The following PHACTR4 variants were observed in gnomAD, a reference collection of about 807,000 sequenced individuals.
The protein encoded by PHACTR4 is protein phosphatase 1, regulatory subunit 124.
Under a neutral mutation model 72.7 loss-of-function variants are expected in PHACTR4, and 51 were observed. The observed-to-expected ratio is 0.70, with a 90% CI of 0.56 to 0.89. PHACTR4 has a LOEUF of 0.89. PHACTR4 is among the 40% of genes least tolerant of loss of function. The pLI is 0.00. For synonymous variants in PHACTR4, 255 were observed against 302.5 expected, an observed-to-expected ratio of 0.84 and a Z score of 1.63; for missense variants, 731 against 861.8, an observed-to-expected ratio of 0.85 and a Z score of 1.90.
At chr1:28,483,979 C>T (rs1034671224) in intron 9 of PHACTR4, among the ~76,000 whole-genome samples, 1 of 151,806 alleles carries the variant, frequency 6.6e-6, no homozygotes, top group African/African-American at 2.4e-5. Context: ...TTGCTTGAGG[C>T]CAGGAGTTTG....
At chr1:28,478,301 T>C (rs1002343183) in intron 8 of PHACTR4, among the ~76,000 whole-genome samples, 4 of 152,242 alleles carry the variant, frequency 2.6e-5, no homozygotes, top group Admixed American at 6.5e-5. Flanking sequence ...CCTTCATTTA[T>C]TGATGGACAT....
Position 28,459,085 on chromosome 1 carries a change from A to G in PHACTR4, c.17A>G (p.Glu6Gly). The G allele has an allele frequency of 6.3e-7, 1 of 1,592,202 alleles. No individual in the cohort carries two copies. Among genetic ancestry groups the G allele is most frequent in the Non-Finnish European group, 8.5e-7 (1 of 1,170,794 alleles). ...TCCCTCTCTTCTTTTCATGTAACAGAGGAAGCAGACCAGCCCACTACAGAG... is the reference window on the plus strand; with the variant it reads ...TCCCTCTCTTCTTTTCATGTAACAGGGGAAGCAGACCAGCCCACTACAGAG... MEDPFEEADQPTTEPG... is the reference protein window; with the variant it reads MEDPFGEADQPTTEPG... Residue 6 changes from glutamate (E) to glycine (G), a missense_variant and splice_region_variant, in exon 3 of 14, where the codon GAG becomes GGG. By Grantham distance (98) the Glu-to-Gly change is moderately conservative. Coordinates refer to ENST00000373839, the MANE Select transcript of PHACTR4 (RefSeq NM_001048183.3).
At chr1:28,415,396 T>C (rs1337652556) in intron 2 of PHACTR4, among the ~76,000 whole-genome samples, 1 of 152,308 alleles carries the variant, frequency 6.6e-6, no homozygotes, top group East Asian at 1.9e-4. Flanking sequence ...CCCACTACTT[T>C]CAAAAATAGC....
At chr1:28,399,155 T>C (rs1041838617) in intron 1 of PHACTR4, among the ~76,000 whole-genome samples, 21 of 151,260 alleles carry the variant, frequency 1.4e-4, no homozygotes, top group African/African-American at 5.1e-4. Context: ...CTACTAAAAA[T>C]ACAAAAATTA....
chr1:28,404,868 C>T (rs77860010), intron 1 of PHACTR4, among the ~76,000 whole-genome samples: 37 of 152,150 alleles, frequency 2.4e-4, no homozygotes, highest in Middle Eastern at 3.4e-3. Flanking sequence ...TTAGTCACCC[C>T]GGTAATAACC....
chr1:28,397,207 G>A (rs2124226628), intron 1 of PHACTR4, among the ~76,000 whole-genome samples: 1 of 152,160 alleles, frequency 6.6e-6, no homozygotes, highest in East Asian at 1.9e-4. Flanking sequence ...CCAACTATAT[G>A]CCAGGCACAG....
At chr1:28,434,719 A>G (rs72883931) in intron 2 of PHACTR4, among the ~76,000 whole-genome samples, 2,360 of 152,132 alleles carry the variant, frequency 0.016, 62 homozygotes, top group African/African-American at 0.052. Context: ...TTTATTAGAG[A>G]CAGGGCCTTA....
At chr1:28,469,124 T>C (rs1659402914) in intron 6 of PHACTR4, among the ~76,000 whole-genome samples, 1 of 152,210 alleles carries the variant, frequency 6.6e-6, no homozygotes, top group Admixed American at 6.5e-5. Context: ...ATTCTAAAAT[T>C]ACAACCTTCC....
At chr1:28,419,054 G>C (rs1044696510) in intron 2 of PHACTR4, among the ~76,000 whole-genome samples, 18 of 68,076 alleles carry the variant, frequency 2.6e-4, no homozygotes, top group Non-Finnish European at 4.0e-4. Flanking sequence ...TTTTTCTAGG[G>C]AAGTTTTCTA....
At chr1:28,470,250 G>A (rs191378964) in intron 6 of PHACTR4, among the ~76,000 whole-genome samples, 2 of 151,998 alleles carry the variant, frequency 1.3e-5, no homozygotes, top group Non-Finnish European at 2.9e-5. Context: ...AAAATTAGCT[G>A]GGCATGGTGA....
At chr1:28,375,669 G>A (rs1337780536) in intron 1 of PHACTR4, among the ~76,000 whole-genome samples, 1 of 152,168 alleles carries the variant, frequency 6.6e-6, no homozygotes, top group East Asian at 1.9e-4. Context: ...CTGTGTGGCA[G>A]AGCTGGAGAC....
At chr1:28,471,978 G>T (rs562543804) in intron 6 of PHACTR4, among the ~76,000 whole-genome samples, 2 of 151,986 alleles carry the variant, frequency 1.3e-5, no homozygotes, top group African/African-American at 4.8e-5. Flanking sequence ...TTGGGAGGCC[G>T]AGGCGGGCGG....
chr1:28,441,951 C>T (rs1021217757), intron 2 of PHACTR4, among the ~76,000 whole-genome samples: 5 of 152,120 alleles, frequency 3.3e-5, no homozygotes, highest in African/African-American at 1.2e-4. Flanking sequence ...ATGATTGTAC[C>T]TCTGCACTCC....
chr1:28,454,369 C>T (rs1172057651), intron 2 of PHACTR4, among the ~76,000 whole-genome samples: 2 of 150,806 alleles, frequency 1.3e-5, no homozygotes, highest in East Asian at 1.9e-4. Flanking sequence ...CTCCACCTCC[C>T]GGGTTCACGC....
chr1:28,392,811 T>G (rs556733259), intron 1 of PHACTR4, among the ~76,000 whole-genome samples: 17 of 152,324 alleles, frequency 1.1e-4, no homozygotes, highest in Middle Eastern at 3.4e-3. Flanking sequence ...TTTTTTTGTT[T>G]TTTATGAACC....
Position 28,496,650 on chromosome 1 carries a change from T to G in PHACTR4, c.*101T>G, listed in dbSNP as rs878872936. The G allele has an allele frequency of 8.1e-6, 11 of 1,365,510 alleles. No individual in the cohort carries two copies. In the South Asian group the frequency reaches 1.3e-4, roughly 16 times the overall value. 84.6% of individuals were successfully genotyped at this position (1,365,510 alleles called of 1,614,324 possible). ...TAGCACTTCCCAGCACAGCCAGAAT[T>G]GCATCCTCTGGGATCTTCTGAGGTG... On this transcript the variant is annotated 3_prime_UTR_variant, in exon 14 of 14. Coordinates refer to ENST00000373839, the MANE Select transcript of PHACTR4 (RefSeq NM_001048183.3).
At chr1:28,377,511 A>T (rs1651778910) in intron 1 of PHACTR4, among the ~76,000 whole-genome samples, 1 of 151,700 alleles carries the variant, frequency 6.6e-6, no homozygotes, top group Admixed American at 6.6e-5. Context: ...AAGTGCCAGG[A>T]TCACAGGCAT....
intron 10 of PHACTR4, among the ~76,000 whole-genome samples, 176 bp downstream of exon 10, chr1:28,489,401 G>A (rs1026617291): frequency 2.0e-5 from 3 of 152,212 alleles, no homozygotes; most frequent in Non-Finnish European, 4.4e-5. Context: ...TCCTTTGGAA[G>A]ATGCTATTAT....
intron 6 of PHACTR4, among the ~76,000 whole-genome samples, chr1:28,473,031 T>C (rs1347151373): frequency 6.6e-6 from 1 of 151,244 alleles, no homozygotes; most frequent in Non-Finnish European, 1.5e-5. Flanking sequence ...TCCCAACACT[T>C]TGAGAGGCCA....
Sources: gnomAD v4.1 joint callset for allele counts (sites outside exome capture counted in the v4.1 genomes callset) on GRCh38, gnomAD v4.1.1 for gene constraint, MANE v1.5 for transcripts, NCBI Gene and HGNC (gene_info 2026-07-23, HGNC 2026-07-21) for gene names.